The following ZNF521 variants were observed in gnomAD, a reference collection of about 807,000 sequenced individuals.
The protein encoded by ZNF521 is zinc finger protein 521.
In ZNF521, 14 loss-of-function variants were observed where a neutral mutation model predicts 105.5. That is an observed-to-expected ratio of 0.13 (90% CI 0.09 to 0.21). The LOEUF (loss-of-function observed/expected upper bound fraction) is 0.21, where lower values mean the gene tolerates loss of function less well. ZNF521 is among the 10% of genes least tolerant of loss of function. The pLI is 1.00. For missense variants in ZNF521, 1,233 were observed against 1,629.7 expected (o/e 0.76, Z 4.19); for synonymous variants, 635 against 606.0 (o/e 1.05, Z -0.70).
chr18:25,167,269 C>G (rs1042508249), intron 5 of ZNF521, among the ~76,000 whole-genome samples: 2 of 152,178 alleles, frequency 1.3e-5, no homozygotes, highest in African/African-American at 4.8e-5. Context: ...CTGCTTGTCT[C>G]TTTACCAGCC....
intron 4 of ZNF521, among the ~76,000 whole-genome samples, chr18:25,217,767 T>C (rs1046699208): frequency 6.6e-6 from 1 of 152,134 alleles, no homozygotes; most frequent in African/African-American, 2.4e-5. Flanking sequence ...GAAAAGACAA[T>C]GTAATAGATA....
intron 5 of ZNF521, among the ~76,000 whole-genome samples, chr18:25,126,230 T>C (rs1204902029): frequency 1.3e-5 from 2 of 152,102 alleles, no homozygotes; most frequent in Non-Finnish European, 2.9e-5. Context: ...TTTTTCCCAA[T>C]TAAATTGACC....
intron 5 of ZNF521, among the ~76,000 whole-genome samples, chr18:25,125,825 G>A (rs559361055): frequency 1.3e-5 from 2 of 151,786 alleles, no homozygotes; most frequent in African/African-American, 4.8e-5. Context: ...GTAGTGGCTG[G>A]CACTTTAAGT....
At chr18:25,122,081 G>C (rs1046641291) in intron 5 of ZNF521, among the ~76,000 whole-genome samples, 1 of 152,100 alleles carries the variant, frequency 6.6e-6, no homozygotes, top group East Asian at 1.9e-4. Context: ...TCAAGACATA[G>C]AAGAAACACT....
intron 3 of ZNF521, among the ~76,000 whole-genome samples, chr18:25,233,661 G>C (rs1396016976): frequency 6.7e-6 from 1 of 148,628 alleles, no homozygotes; most frequent in Non-Finnish European, 1.5e-5. Flanking sequence ...CAAGCTCAGA[G>C]GTTTTTTTTT....
chr18:25,172,974 C>A (rs2035473975), intron 5 of ZNF521, among the ~76,000 whole-genome samples: 1 of 152,160 alleles, frequency 6.6e-6, no homozygotes, highest in Admixed American at 6.5e-5. Flanking sequence ...ACTGAAGTTG[C>A]ATGGTGCTTT....
In ZNF521 at chr18:25,226,739, C is replaced by T. The variant is rs1906167830; in HGVS notation, c.1179G>A (p.Met393Ile). The change falls in exon 4 of 8, where the codon ATG (methionine) becomes ATA (isoleucine). Residue 393 changes from methionine (M) to isoleucine (I), a missense_variant. Physicochemically the swap from Met to Ile is conservative, Grantham distance 10 (BLOSUM62 1). Around this residue, in one of 6 missense-constraint regions of ZNF521, gnomAD observed 380 missense variants for 478.0 expected, o/e 0.80. Transcript: ENST00000361524. This position sits in a 1 kb window ranked among gnomAD's most constrained non-coding sequence, Gnocchi z 4.1. ...TTGCTTGTTTACTCGAGGGACCAGT[C>T]ATGTCAGGGGTTTGTTGAGCGGCCC... Reference protein sequence around the residue: ...RKRAAQQTPDMTGPSSKQAKV... With the variant: ...RKRAAQQTPDITGPSSKQAKV... 1.2e-6 allele frequency: 2 copies of T among 1,614,094 alleles called. No homozygotes were observed. The highest frequency in any genetic ancestry group is 1.7e-6 in the Non-Finnish European group (2 of 1,180,026).
At chr18:25,236,489 T>C (rs1906901360) in intron 3 of ZNF521, among the ~76,000 whole-genome samples, 2 of 148,946 alleles carry the variant, frequency 1.3e-5, no homozygotes, top group South Asian at 4.2e-4. Flanking sequence ...TGAGCCGAGA[T>C]CACGCCACTG....
intron 5 of ZNF521, among the ~76,000 whole-genome samples, chr18:25,128,063 A>C (rs2034569274): frequency 6.6e-6 from 1 of 152,026 alleles, no homozygotes; most frequent in African/African-American, 2.4e-5. Flanking sequence ...ACACAGATGA[A>C]AAATATTCTC....
intron 3 of ZNF521, among the ~76,000 whole-genome samples, chr18:25,290,226 TATCAA>T (rs1470253297): frequency 6.6e-6 from 1 of 152,192 alleles, no homozygotes; most frequent in Non-Finnish European, 1.5e-5. Flanking sequence ...TTAGTAATAG[TATCAA>T]GATGAACTGC....
At chr18:25,080,255 A>G (rs1305280367) in intron 7 of ZNF521, among the ~76,000 whole-genome samples, 1 of 152,204 alleles carries the variant, frequency 6.6e-6, no homozygotes, top group Non-Finnish European at 1.5e-5. Flanking sequence ...TTAAAATTTC[A>G]CCACTATTAA....
chr18:25,089,443 G>C (rs746663273), intron 7 of ZNF521, 22 bp downstream of exon 7: 1 of 1,570,330 alleles, frequency 6.4e-7, no homozygotes, highest in East Asian at 2.2e-5. Context: ...TTCAATCCCA[G>C]TCCTCCCCAT....
chr18:25,183,595 C>T (rs897725037), intron 5 of ZNF521, among the ~76,000 whole-genome samples: 3 of 152,108 alleles, frequency 2.0e-5, no homozygotes, highest in Admixed American at 6.6e-5. Context: ...GTCTTAAAAT[C>T]CCATTTGAAT....
chr18:25,279,444 T>C (rs1910228220), intron 3 of ZNF521, among the ~76,000 whole-genome samples: 2 of 152,212 alleles, frequency 1.3e-5, no homozygotes, highest in Admixed American at 1.3e-4. Flanking sequence ...ACAAATGTAC[T>C]TGGCTTCTCT....
intron 4 of ZNF521, among the ~76,000 whole-genome samples, chr18:25,207,442 C>T (rs1377806484): frequency 6.6e-6 from 1 of 152,314 alleles, no homozygotes; most frequent in South Asian, 2.1e-4. Flanking sequence ...GCCTCTCCAT[C>T]GCCAGTTCTT....
Position 25,227,808 on chromosome 18 carries a change from A to G in ZNF521, c.221-111T>C. 1 of 866,320 alleles carries G rather than the reference A, an allele frequency of 1.2e-6. No individual in the cohort carries two copies. Among genetic ancestry groups the G allele is most frequent in the South Asian group, 1.8e-5 (1 of 54,212 alleles). The allele number at this position is 866,320 out of a possible 1,614,324, so 53.7% of individuals were successfully genotyped here. On this transcript the variant is annotated intron_variant, in intron 3 of 7. Transcript: ENST00000361524. This position sits in a 1 kb window ranked among gnomAD's most constrained non-coding sequence, Gnocchi z 5.7. ...GTTGGGCCCTCTTGAATCTTTCAAG[A>G]AAAAACAAAATGAAAAGAGAGAATA...
intron 5 of ZNF521, among the ~76,000 whole-genome samples, chr18:25,149,781 G>A (rs2035012199): frequency 6.6e-6 from 1 of 152,058 alleles, no homozygotes; most frequent in Admixed American, 6.6e-5. Flanking sequence ...GTTCATAATG[G>A]GTGCTCATAG....
At chr18:25,220,812 T>C (rs979116921) in intron 4 of ZNF521, among the ~76,000 whole-genome samples, 3 of 152,208 alleles carry the variant, frequency 2.0e-5, no homozygotes, top group African/African-American at 4.8e-5. Flanking sequence ...CAAAATCTAC[T>C]GTAGAACTTC....
At chr18:25,245,923 G>T (rs923382036) in intron 3 of ZNF521, among the ~76,000 whole-genome samples, 7 of 152,120 alleles carry the variant, frequency 4.6e-5, no homozygotes, top group Non-Finnish European at 2.9e-5. Flanking sequence ...GAGGCAAGAG[G>T]ATTGCTTGAG....
Sources: allele counts gnomAD v4.1 joint callset (sites outside exome capture counted in the v4.1 genomes callset), GRCh38; gene constraint gnomAD v4.1.1; regional missense constraint gnomAD v4.1.1; non-coding constraint Gnocchi (gnomAD v3.1); transcripts MANE v1.5; gene names NCBI Gene and HGNC (gene_info 2026-07-23, HGNC 2026-07-21).